GALK2: variants seen among roughly 807,000 people sequenced by gnomAD.
GALK2 encodes N-acetylgalactosamine kinase.
In GALK2, 36 loss-of-function variants were observed where a neutral mutation model predicts 52.4. That is an observed-to-expected ratio of 0.69 (90% CI 0.53 to 0.91). The LOEUF is 0.91. Ranked by LOEUF, GALK2 falls within the 40% of genes least tolerant of loss-of-function variation. GALK2 has a pLI of 0.00. For synonymous variants in GALK2, 176 were observed against 199.1 expected, an observed-to-expected ratio of 0.88 and a Z score of 0.98; for missense variants, 579 against 559.1, an observed-to-expected ratio of 1.04 and a Z score of -0.36.
rs780040171 is a variant in GALK2 at position 49,201,262 on chromosome 15, G to C, written c.142+12G>C. 2 of 1,492,974 alleles carry C rather than the reference G, an allele frequency of 1.3e-6. No homozygotes were observed. The highest frequency in any genetic ancestry group is 4.6e-5 in the East Asian group (2 of 43,832). 92.5% of individuals were successfully genotyped at this position (1,492,974 alleles called of 1,614,324 possible). A position where few individuals can be genotyped will look rare whatever the true frequency, so the allele number is the denominator to read the frequency against. On this transcript the variant is annotated intron_variant, in intron 2 of 9. Coordinates refer to ENST00000560031, the MANE Select transcript of GALK2 (RefSeq NM_002044.4). ...AGTCAACATAATAGGTATTTCAAAA[G>C]TTCCTTCTCTTAATTTTTTTCTTCA...
rs16962191 is a variant in GALK2, at chr15:49,248,019, A to G, written c.504+8652A>G. ...CATAAACAGAGTAAGTGGAATGTTC[A>G]AAGTTCTGTGCCAAATATGTCCACA... On this transcript the variant is annotated intron_variant, in intron 5 of 9. Coordinates refer to ENST00000560031, the MANE Select transcript of GALK2 (RefSeq NM_002044.4). Among the ~76,000 whole-genome samples, 803 of 152,292 alleles carry G rather than the reference A, an allele frequency of 5.3e-3. 12 individuals carry two copies. Among genetic ancestry groups the G allele is most frequent in the East Asian group, 0.043 (224 of 5,176 alleles).
chr15:49,250,429 G>C (rs752074832), intron 5 of GALK2, among the ~76,000 whole-genome samples: 7 of 152,174 alleles, frequency 4.6e-5, no homozygotes, highest in Non-Finnish European at 7.3e-5. Context: ...TAAGCACCTA[G>C]ATGTTTTATG....
chr15:49,212,248 A>G (rs902701784), intron 2 of GALK2, among the ~76,000 whole-genome samples: 12 of 152,116 alleles, frequency 7.9e-5, no homozygotes, highest in South Asian at 4.1e-4. Context: ...GTCCACGACC[A>G]TGCCTGGATA....
chr15:49,273,119 C>T (rs1033771006), intron 5 of GALK2, among the ~76,000 whole-genome samples: 2 of 152,152 alleles, frequency 1.3e-5, no homozygotes, highest in African/African-American at 4.8e-5. Flanking sequence ...TTTCTGAGCC[C>T]ATTGAGCTTT....
chr15:49,211,915 C>T (rs1373644604), intron 2 of GALK2, among the ~76,000 whole-genome samples: 1 of 152,106 alleles, frequency 6.6e-6, no homozygotes, highest in Admixed American at 6.5e-5. Flanking sequence ...GGTGGGGACA[C>T]AGATCCAAGC....
rs185249175 is a variant in GALK2 at position 49,214,108 on chromosome 15, A to G, written c.143-3082A>G. Among the ~76,000 whole-genome samples, 523 of 152,236 alleles carry G rather than the reference A, an allele frequency of 3.4e-3. 1 individual carries two copies. Among genetic ancestry groups the G allele is most frequent in the Non-Finnish European group, 5.7e-3 (390 of 68,024 alleles). Reference sequence around the variant, plus strand: ...GCACTCCAGCCTGGGCGACCGAGCAAGAGTCTGTCTCAAAAACAAACAAAC... The same window carrying G: ...GCACTCCAGCCTGGGCGACCGAGCAGGAGTCTGTCTCAAAAACAAACAAAC... On this transcript the variant is annotated intron_variant, in intron 2 of 9. Coordinates refer to ENST00000560031, the MANE Select transcript of GALK2 (RefSeq NM_002044.4).
intron 1 of GALK2, among the ~76,000 whole-genome samples, chr15:49,159,342 G>A (rs1365790066): frequency 6.6e-6 from 1 of 152,140 alleles, no homozygotes; most frequent in African/African-American, 2.4e-5. Flanking sequence ...TTGGGAAGCC[G>A]AGGCAGACGG....
At chr15:49,225,326 C>G (rs1187631385) in intron 3 of GALK2, 1 of 433,236 alleles carries the variant, frequency 2.3e-6, no homozygotes, top group Admixed American at 2.6e-5. Context: ...ATGGCCTGTT[C>G]AGAAGTGGGC....
chr15:49,299,735 T>TTTCTTTTC (rs1347140534), intron 8 of GALK2, among the ~76,000 whole-genome samples: 1,164 of 77,166 alleles, frequency 0.015, 9 homozygotes, highest in African/African-American at 0.026. Flanking sequence ...TCTTTCTTTC[T>TTTCTTTTC]TTTCTTTCTT....
At chr15:49,170,640 T>C in intron 1 of GALK2, 2 of 447,976 alleles carry the variant, frequency 4.5e-6, no homozygotes, top group African/African-American at 1.9e-5. Context: ...GTAATTAGTG[T>C]ACTCTTTCTA....
intron 8 of GALK2, among the ~76,000 whole-genome samples, chr15:49,310,463 C>T (rs1398541692): frequency 6.6e-6 from 1 of 152,150 alleles, no homozygotes; most frequent in East Asian, 1.9e-4. Flanking sequence ...AACCTCTATA[C>T]TGTTTTCCAT....
chr15:49,355,466 G>A (rs527399908), intron 3 of GALK2, among the ~76,000 whole-genome samples: 1,537 of 152,250 alleles, frequency 0.01, 23 homozygotes, highest in African/African-American at 0.036. Context: ...GAGCCGATGC[G>A]ATCAACTGGA....
chr15:49,321,741 C>T (rs1381381071), intron 9 of GALK2, among the ~76,000 whole-genome samples: 1 of 152,206 alleles, frequency 6.6e-6, no homozygotes, highest in East Asian at 1.9e-4. Context: ...GCCACACGTG[C>T]CTCTCCCCTT....
intron 3 of GALK2, among the ~76,000 whole-genome samples, chr15:49,228,415 T>C (rs1467183088): frequency 6.6e-6 from 1 of 151,536 alleles, no homozygotes; most frequent in African/African-American, 2.4e-5. Flanking sequence ...TTCTCTCTTA[T>C]CATTTTTTCC....
At chr15:49,340,403 G>GCCCCCCCC (rs373386438) in intron 3 of GALK2, among the ~76,000 whole-genome samples, 2 of 94,380 alleles carry the variant, frequency 2.1e-5, no homozygotes, top group African/African-American at 3.9e-5. Context: ...GCAGTGCCCC[G>GCCCCCCCC]CCCCCCCCCT....
intron 1 of GALK2, among the ~76,000 whole-genome samples, chr15:49,182,953 T>G (rs1484499776): frequency 1.3e-5 from 2 of 152,172 alleles, no homozygotes; most frequent in Admixed American, 6.5e-5. Context: ...CTGCATTGAT[T>G]TTTTTCCTTT....
chr15:49,284,744 C>T (rs533611574), intron 7 of GALK2, among the ~76,000 whole-genome samples: 1 of 152,260 alleles, frequency 6.6e-6, no homozygotes, highest in Non-Finnish European at 1.5e-5. Flanking sequence ...GATTTTCTCC[C>T]ATATTTCATG....
chr15:49,273,461 A>G (rs1356530502), intron 5 of GALK2, among the ~76,000 whole-genome samples: 1 of 152,172 alleles, frequency 6.6e-6, no homozygotes, highest in African/African-American at 2.4e-5. Flanking sequence ...TGAAGTAAAA[A>G]ATGCGAAAGT....
chr15:49,354,488 CG>C (rs1283006460), intron 3 of GALK2, among the ~76,000 whole-genome samples: 2 of 152,214 alleles, frequency 1.3e-5, no homozygotes, highest in East Asian at 1.9e-4. Flanking sequence ...GGGTGACGGA[CG>C]GCACCTGGAA....
Sources: allele counts gnomAD v4.1 joint callset (sites outside exome capture counted in the v4.1 genomes callset), GRCh38; gene constraint gnomAD v4.1.1; transcripts MANE v1.5; gene names NCBI Gene and HGNC (gene_info 2026-07-23, HGNC 2026-07-21).